Variants in PAFAH1B1 observed in about 807,000 individuals in gnomAD.
PAFAH1B1 encodes the protein platelet activating factor acetylhydrolase 1b regulatory subunit 1, also known as platelet-activating factor acetylhydrolase IB subunit beta.
A neutral mutation model predicts 57.5 loss-of-function variants in PAFAH1B1; 2 were observed. The ratio of observed to expected loss-of-function variants is 0.03; its 90% CI spans 0.01 to 0.11. The LOEUF is 0.11. Ranked by LOEUF, PAFAH1B1 falls within the 10% of genes least tolerant of loss-of-function variation. The probability of loss-of-function intolerance (pLI) is 1.00; values close to 1 mark genes in which losing one functional copy is unlikely to be tolerated. For synonymous variants in PAFAH1B1, 152 were observed against 169.6 expected, an observed-to-expected ratio of 0.90 and a Z score of 0.81; for missense variants, 257 against 512.0, an observed-to-expected ratio of 0.50 and a Z score of 4.81.
chr17:2,667,523 G>C, intron 5 of PAFAH1B1: 2 of 329,834 alleles, frequency 6.1e-6, no homozygotes, highest in South Asian at 2.6e-5. Context: ...GTGAATTTGA[G>C]AAAGTCGGGT....
chr17:2,658,637 G>A (rs1003007021), intron 2 of PAFAH1B1, among the ~76,000 whole-genome samples: 6 of 152,056 alleles, frequency 3.9e-5, no homozygotes, highest in African/African-American at 1.4e-4. Context: ...CTTTTTGCTT[G>A]ATGGGGAAGA....
chr17:2,603,538 T>C (rs10445259), intron 1 of PAFAH1B1, among the ~76,000 whole-genome samples: 41,185 of 151,814 alleles, frequency 0.27, 5,808 homozygotes, highest in Middle Eastern at 0.35. Context: ...GGAGAATTGC[T>C]TGAACCCAGG....
chr17:2,638,877 G>T (rs2068658690), intron 2 of PAFAH1B1, among the ~76,000 whole-genome samples: 1 of 151,476 alleles, frequency 6.6e-6, no homozygotes, highest in South Asian at 2.1e-4. Context: ...CAAGTCAGTT[G>T]GGATGAGTTT....
intron 10 of PAFAH1B1, chr17:2,681,134 A>G (rs1379372973): frequency 6.5e-6 from 1 of 153,056 alleles, no homozygotes; most frequent in East Asian, 1.9e-4. Flanking sequence ...GGCCCAGGTC[A>G]GAAACAGAGC....
Position 2,613,714 on chromosome 17 carries a change from G to A in PAFAH1B1, c.-191+19708G>A, listed in dbSNP as rs1021620893. 4.9e-5 allele frequency: 14 copies of A among 283,520 alleles called. No individual in the cohort carries two copies. In the East Asian group the frequency reaches 1.2e-3, roughly 24 times the overall value. 17.6% of individuals were successfully genotyped at this position (283,520 alleles called of 1,614,324 possible). A position where few individuals can be genotyped will look rare whatever the true frequency, so the allele number is the denominator to read the frequency against. On this transcript the variant is annotated intron_variant, in intron 1 of 10. Transcript: ENST00000397195. ...CATCATCCATGGTCCACTTGCTGAC[G>A]TCCTCAAGGGCTGGGGCCTCCTCCC...
rs1408461932 is a variant in PAFAH1B1, at chr17:2,674,426, A to G, written c.900+138A>G. On this transcript the variant is annotated intron_variant, in intron 8 of 10. Coordinates refer to ENST00000397195, the MANE Select transcript of PAFAH1B1 (RefSeq NM_000430.4). ...GCAATTCTGAATCTTGAAATTCTCT[A>G]CTCTTCACAGCTTGCTGATGTGTTT... The G allele has an allele frequency of 4.3e-6, 3 of 704,014 alleles. No homozygotes were observed. In the African/African-American group the frequency reaches 5.3e-5, roughly 12 times the overall value. 43.6% of individuals were successfully genotyped at this position (704,014 alleles called of 1,614,324 possible). A position where few individuals can be genotyped will look rare whatever the true frequency, so the allele number is the denominator to read the frequency against.
chr17:2,632,222 C>G (rs1284536606), intron 1 of PAFAH1B1, among the ~76,000 whole-genome samples: 3 of 152,242 alleles, frequency 2.0e-5, no homozygotes, highest in Admixed American at 1.3e-4. Flanking sequence ...AGCCTCCACA[C>G]TCAGCCTCAT....
intron 1 of PAFAH1B1, among the ~76,000 whole-genome samples, chr17:2,602,996 T>TC (rs1319151379): frequency 6.6e-6 from 1 of 152,178 alleles, no homozygotes; most frequent in African/African-American, 2.4e-5. Flanking sequence ...TTCAGTCACT[T>TC]CAAGTTTCAT....
intron 4 of PAFAH1B1, among the ~76,000 whole-genome samples, chr17:2,666,421 A>T (rs2069107392): frequency 1.3e-5 from 2 of 152,214 alleles, no homozygotes; most frequent in Admixed American, 6.5e-5. Flanking sequence ...GTGCTCGTAG[A>T]CAAGTTGTTT....
chr17:2,662,503 A>G (rs1032964608), intron 2 of PAFAH1B1, among the ~76,000 whole-genome samples: 1 of 150,816 alleles, frequency 6.6e-6, no homozygotes, highest in Non-Finnish European at 1.5e-5. Flanking sequence ...TCCCAGATTC[A>G]AGCAATTCTC....
intron 2 of PAFAH1B1, among the ~76,000 whole-genome samples, chr17:2,648,960 G>A (rs9908658): frequency 0.99 from 150,729 of 152,138 alleles, 74,686 homozygotes; most frequent in Middle Eastern, 1. Flanking sequence ...TAAGGCAACA[G>A]AAAGAATTAG....
chr17:2,600,568 C>CAAA (rs559407199), intron 1 of PAFAH1B1, among the ~76,000 whole-genome samples: 6 of 77,612 alleles, frequency 7.7e-5, no homozygotes, highest in African/African-American at 1.8e-4. Context: ...GAAACTATCT[C>CAAA]AAAAAAAAAA....
intron 2 of PAFAH1B1, among the ~76,000 whole-genome samples, chr17:2,645,228 A>C (rs2068751590): frequency 6.6e-6 from 1 of 152,160 alleles, no homozygotes; most frequent in Admixed American, 6.6e-5. Context: ...CTCCAGCAAC[A>C]GAGCAAGATC....
intron 6 of PAFAH1B1, among the ~76,000 whole-genome samples, chr17:2,671,385 T>G (rs1597572685): frequency 6.6e-6 from 1 of 151,976 alleles, no homozygotes; most frequent in Non-Finnish European, 1.5e-5. Context: ...ATTTTTGTAT[T>G]TTTAGTAGAG....
intron 7 of PAFAH1B1, chr17:2,673,640 A>G: frequency 5.5e-6 from 1 of 182,792 alleles, no homozygotes; most frequent in South Asian, 1.0e-4. Flanking sequence ...CTCCGTCTCA[A>G]AAAAAAAAAA....
intron 2 of PAFAH1B1, among the ~76,000 whole-genome samples, chr17:2,655,047 G>A (rs543036382): frequency 4.5e-4 from 68 of 149,498 alleles, no homozygotes; most frequent in Non-Finnish European, 7.5e-4. Flanking sequence ...CAATCCTCCC[G>A]CATTGGCCTT....
intron 1 of PAFAH1B1, among the ~76,000 whole-genome samples, chr17:2,611,337 G>A (rs562815211): frequency 3.4e-4 from 51 of 152,076 alleles, no homozygotes; most frequent in African/African-American, 1.1e-3. Context: ...GCATGGTTGT[G>A]TGCGCCTGTA....
rs575334141 is a variant in PAFAH1B1 at position 2,682,032 on chromosome 17, C to G, written c.*230C>G. 1 of 484,386 alleles carries G rather than the reference C, an allele frequency of 2.1e-6. No homozygotes were observed. Among genetic ancestry groups the G allele is most frequent in the Non-Finnish European group, 3.7e-6 (1 of 271,756 alleles). The allele number at this position is 484,386 out of a possible 1,614,324, so 30.0% of individuals were successfully genotyped here. A position where few individuals can be genotyped will look rare whatever the true frequency, so the allele number is the denominator to read the frequency against. On this transcript the variant is annotated 3_prime_UTR_variant, in exon 11 of 11. Transcript: ENST00000397195. Reference sequence around the variant, plus strand: ...TAGAAGTACCATAGGGTTTAAAAACCTGGGCTGGCATTGGTCACACCAGGC... The same window carrying G: ...TAGAAGTACCATAGGGTTTAAAAACGTGGGCTGGCATTGGTCACACCAGGC...
intron 1 of PAFAH1B1, among the ~76,000 whole-genome samples, chr17:2,600,176 C>T (rs2068125382): frequency 6.6e-6 from 1 of 151,796 alleles, no homozygotes; most frequent in African/African-American, 2.4e-5. Context: ...GAACTCCTGG[C>T]CTCAAGTGAT....
Sources: gnomAD v4.1 joint callset for allele counts (sites outside exome capture counted in the v4.1 genomes callset) on GRCh38, gnomAD v4.1.1 for gene constraint, MANE v1.5 for transcripts, NCBI Gene and HGNC (gene_info 2026-07-23, HGNC 2026-07-21) for gene names.